Variants in NXPE2 observed in about 807,000 individuals in gnomAD.
The protein encoded by NXPE2 is NXPE family member 2.
NXPE2 carries 34 observed loss-of-function variants against 34.4 expected under a neutral mutation model. That is an observed-to-expected ratio of 0.99 (90% CI 0.75 to 1.31). The LOEUF is 1.31. Ranked by LOEUF, NXPE2 falls within the 40% of genes most tolerant of loss-of-function variation. NXPE2 has a pLI of 0.00. For missense variants in NXPE2, 649 were observed against 672.5 expected (o/e 0.97, Z 0.39); for synonymous variants, 235 against 231.3 (o/e 1.02, Z -0.15).
the NXPE2 span, among the ~76,000 whole-genome samples, chr11:114,670,653 C>T: frequency 3.3e-5 from 5 of 151,942 alleles, no homozygotes; most frequent in Non-Finnish European, 5.9e-5. Flanking sequence ...GACTGTACCA[C>T]TGCACTCTAG....
chr11:114,595,643 G>A, the NXPE2 span: 1 of 152,262 alleles, frequency 6.6e-6, no homozygotes, highest in Non-Finnish European at 1.5e-5. Context: ...GGCGAGCTAG[G>A]TGTTGAGAAT....
chr11:114,566,050 C>T, the NXPE2 span, among the ~76,000 whole-genome samples: 2 of 152,112 alleles, frequency 1.3e-5, no homozygotes, highest in Non-Finnish European at 2.9e-5. Context: ...AAACTAGGGA[C>T]AAATGCATTT....
At chr11:114,608,662 C>T in the NXPE2 span, among the ~76,000 whole-genome samples, 209 of 151,772 alleles carry the variant, frequency 1.4e-3, 3 homozygotes, top group East Asian at 0.034. Flanking sequence ...CACTGTTACC[C>T]GGTGGATAAT....
At chr11:114,514,992 TCAC>T in the NXPE2 span, among the ~76,000 whole-genome samples, 2 of 152,122 alleles carry the variant, frequency 1.3e-5, no homozygotes, top group East Asian at 1.9e-4. Context: ...CACCTGTCCT[TCAC>T]CAACTTTTTT....
the NXPE2 span, among the ~76,000 whole-genome samples, chr11:114,487,787 G>C: frequency 6.0e-5 from 9 of 151,058 alleles, no homozygotes; most frequent in African/African-American, 2.2e-4. Flanking sequence ...TATGGTTTTT[G>C]TATGTGATAT....
upstream of NXPE2, among the ~76,000 whole-genome samples, chr11:114,675,152 G>A (rs1158854671): frequency 1.3e-5 from 2 of 151,438 alleles, no homozygotes; most frequent in African/African-American, 4.8e-5. Flanking sequence ...ATTATTAGAA[G>A]GATTATACTC....
the NXPE2 span, chr11:114,582,830 G>A: frequency 4.0e-5 from 65 of 1,614,180 alleles, no homozygotes; most frequent in Admixed American, 3.3e-4. Context: ...TATGTGTGGC[G>A]CTGGTGGTGG....
At chr11:114,671,333 G>A in the NXPE2 span, among the ~76,000 whole-genome samples, 1 of 35,220 alleles carries the variant, frequency 2.8e-5, no homozygotes, top group Admixed American at 4.4e-4. Flanking sequence ...ATGTAATAGA[G>A]GAATTAGGAG....
chr11:114,631,862 G>A, the NXPE2 span, among the ~76,000 whole-genome samples: 15 of 150,878 alleles, frequency 9.9e-5, no homozygotes, highest in East Asian at 1.9e-4. Context: ...GTATTGTGTC[G>A]TGGGTAACCG....
the NXPE2 span, among the ~76,000 whole-genome samples, chr11:114,812,992 C>T: frequency 6.0e-4 from 92 of 152,198 alleles, no homozygotes; most frequent in East Asian, 0.016. Flanking sequence ...GGAGAGAGGC[C>T]GGCAGCGAGG....
At chr11:114,572,881 C>G in the NXPE2 span, among the ~76,000 whole-genome samples, 1 of 152,138 alleles carries the variant, frequency 6.6e-6, no homozygotes, top group African/African-American at 2.4e-5. Flanking sequence ...AAATTCATCA[C>G]AGAAAGATCA....
At chr11:114,563,281 T>C in the NXPE2 span, among the ~76,000 whole-genome samples, 1 of 152,192 alleles carries the variant, frequency 6.6e-6, no homozygotes, top group African/African-American at 2.4e-5. Flanking sequence ...TAATCCCTCA[T>C]CTCTCTTTTT....
the NXPE2 span, among the ~76,000 whole-genome samples, chr11:114,628,126 A>G: frequency 6.8e-6 from 1 of 146,062 alleles, no homozygotes; most frequent in Non-Finnish European, 1.5e-5. Flanking sequence ...CAGAAAGTCA[A>G]CAACGATACC....
At position 114,706,712 on chromosome 11, in the gene NXPE2, A is replaced by G; in HGVS notation, c.1462A>G (p.Lys488Glu). The change falls in exon 6 of 6, where the codon AAA (lysine) becomes GAA (glutamate). Residue 488 changes from lysine (K) to glutamate (E), a missense_variant. Lys to Glu is a moderately conservative substitution (Grantham distance 56). Transcript: ENST00000389586. Reference protein sequence around the residue: ...LRSPETKVILKTENTREIEQN... With the variant: ...LRSPETKVILETENTREIEQN... Reference sequence around the variant, plus strand: ...AAGCCCGGAGACCAAGGTGATACTTAAAACTGAAAACACCAGAGAGATAGA... The same window carrying G: ...AAGCCCGGAGACCAAGGTGATACTTGAAACTGAAAACACCAGAGAGATAGA... 3 of 1,552,284 alleles carry G rather than the reference A, an allele frequency of 1.9e-6. No individual in the cohort carries two copies. The highest frequency in any genetic ancestry group is 1.7e-6 in the Non-Finnish European group (2 of 1,147,070).
At chr11:114,554,524 G>A in the NXPE2 span, 1 of 278,580 alleles carries the variant, frequency 3.6e-6, no homozygotes, top group Non-Finnish European at 5.4e-6. Context: ...ATTATACTGA[G>A]GTATAGTTAT....
chr11:114,490,161 A>C, the NXPE2 span, among the ~76,000 whole-genome samples: 2 of 152,242 alleles, frequency 1.3e-5, no homozygotes, highest in Non-Finnish European at 2.9e-5. Flanking sequence ...GACGTGAAGG[A>C]CCTCTTCAAG....
the NXPE2 span, among the ~76,000 whole-genome samples, chr11:114,738,001 C>T: frequency 2.0e-5 from 3 of 152,234 alleles, no homozygotes; most frequent in East Asian, 1.9e-4. Context: ...GCATGAGAAT[C>T]GCTTGAGCCC....
At chr11:114,564,185 A>G in the NXPE2 span, among the ~76,000 whole-genome samples, 1 of 152,212 alleles carries the variant, frequency 6.6e-6, no homozygotes, top group Non-Finnish European at 1.5e-5. Flanking sequence ...CTATTATTCT[A>G]AATGAAGTAA....
At chr11:114,551,241 T>C in the NXPE2 span, 1 of 1,417,596 alleles carries the variant, frequency 7.1e-7, no homozygotes, top group East Asian at 2.5e-5. Flanking sequence ...AGAGGAGTCG[T>C]GAGAAGTGAA....
Sources: allele counts gnomAD v4.1 joint callset (sites outside exome capture counted in the v4.1 genomes callset), GRCh38; gene constraint gnomAD v4.1.1; transcripts MANE v1.5; gene names NCBI Gene and HGNC (gene_info 2026-07-23, HGNC 2026-07-21).